The following RBFOX1 variants were observed in gnomAD, a reference collection of about 807,000 sequenced individuals.
The protein encoded by RBFOX1 is RNA binding fox-1 homolog 1, also known as RNA binding protein fox-1 homolog 1.
In RBFOX1, 8 loss-of-function variants were observed where a neutral mutation model predicts 57.7. The ratio of observed to expected loss-of-function variants is 0.14; its 90% CI spans 0.08 to 0.25. The LOEUF (loss-of-function observed/expected upper bound fraction) is 0.25, where lower values mean the gene tolerates loss of function less well. Among genes scored for constraint, RBFOX1 ranks in the 10% least tolerant of loss-of-function variants. RBFOX1 has a pLI of 1.00. For synonymous variants in RBFOX1, 326 were observed against 222.4 expected, an observed-to-expected ratio of 1.47 and a Z score of -4.15; for missense variants, 611 against 548.5, an observed-to-expected ratio of 1.11 and a Z score of -1.14.
chr16:5,643,220 A>G (rs1277317724), intron 3 of RBFOX1, among the ~76,000 whole-genome samples: 3 of 152,190 alleles, frequency 2.0e-5, no homozygotes, highest in Admixed American at 2.0e-4. Flanking sequence ...GTTACATGGC[A>G]CATGGGCAGG....
At chr16:5,353,748 T>G (rs114545048) in intron 1 of RBFOX1, among the ~76,000 whole-genome samples, 2 of 140,162 alleles carry the variant, frequency 1.4e-5, no homozygotes, top group Non-Finnish European at 3.1e-5. Context: ...AACCTCGCCA[T>G]GCCCTGTGAG....
intron 1 of RBFOX1, among the ~76,000 whole-genome samples, chr16:6,111,453 G>T (rs1445304099): frequency 6.6e-6 from 1 of 152,204 alleles, no homozygotes; most frequent in African/African-American, 2.4e-5. Context: ...GAGTTAAGGA[G>T]TTTCCAAGAA....
At chr16:6,339,659 A>G (rs1166767626) in intron 2 of RBFOX1, among the ~76,000 whole-genome samples, 1 of 150,408 alleles carries the variant, frequency 6.6e-6, no homozygotes, top group South Asian at 2.1e-4. Flanking sequence ...TTTTTATTTT[A>G]TTTTATTTTA....
chr16:5,539,849 T>G (rs1207581757), intron 2 of RBFOX1, among the ~76,000 whole-genome samples: 4 of 152,224 alleles, frequency 2.6e-5, no homozygotes, highest in African/African-American at 7.2e-5. Context: ...CATGGAATCT[T>G]TAAAATGACT....
chr16:6,213,413 G>A (rs1206024208), intron 1 of RBFOX1, among the ~76,000 whole-genome samples: 2 of 152,016 alleles, frequency 1.3e-5, no homozygotes, highest in African/African-American at 2.4e-5. Context: ...GCAACACTGG[G>A]CTGATTTACA....
At chr16:5,755,349 C>A (rs1264383243) in intron 3 of RBFOX1, among the ~76,000 whole-genome samples, 1 of 152,132 alleles carries the variant, frequency 6.6e-6, no homozygotes, top group Non-Finnish European at 1.5e-5. Flanking sequence ...TCTTGCTTTT[C>A]CCCACAATTC....
chr16:5,379,426 G>C (rs1317528226), intron 1 of RBFOX1, among the ~76,000 whole-genome samples: 1 of 147,486 alleles, frequency 6.8e-6, no homozygotes, highest in Non-Finnish European at 1.5e-5. Context: ...GGGGTGGAGA[G>C]CTGTGGCTCT....
intron 3 of RBFOX1, among the ~76,000 whole-genome samples, chr16:6,824,029 C>G (rs1003409461): frequency 1.3e-5 from 2 of 152,268 alleles, no homozygotes; most frequent in Non-Finnish European, 2.9e-5. Context: ...GTGTAGAGTT[C>G]TCCATTATCT....
chr16:6,689,526 A>G (rs35416296), intron 3 of RBFOX1, among the ~76,000 whole-genome samples: 1 of 152,046 alleles, frequency 6.6e-6, no homozygotes, highest in African/African-American at 2.4e-5. Flanking sequence ...ATGTTTATGC[A>G]AGAGATGTTT....
chr16:5,617,326 T>C (rs563193389), intron 3 of RBFOX1, among the ~76,000 whole-genome samples: 3 of 152,304 alleles, frequency 2.0e-5, no homozygotes, highest in East Asian at 1.9e-4. Flanking sequence ...TGAGCACTTA[T>C]TCCTGCTACC....
chr16:6,333,089 G>C (rs956146162), intron 2 of RBFOX1, among the ~76,000 whole-genome samples: 2 of 151,986 alleles, frequency 1.3e-5, no homozygotes, highest in Non-Finnish European at 2.9e-5. Context: ...ACCTAGGCTG[G>C]AGTGCGGTGG....
intron 3 of RBFOX1, among the ~76,000 whole-genome samples, chr16:5,704,386 T>C (rs1430818497): frequency 1.3e-5 from 2 of 151,756 alleles, no homozygotes; most frequent in African/African-American, 2.4e-5. Context: ...GCCCTGGGGG[T>C]CTGGGGGTCG....
At chr16:6,536,920 G>T (rs547579319) in intron 2 of RBFOX1, among the ~76,000 whole-genome samples, 61 of 152,280 alleles carry the variant, frequency 4.0e-4, no homozygotes, top group African/African-American at 1.4e-3. Flanking sequence ...TCTAAATTAT[G>T]TGTATACAAA....
chr16:7,462,767 C>T (rs760409682), intron 4 of RBFOX1, among the ~76,000 whole-genome samples: 3 of 152,220 alleles, frequency 2.0e-5, no homozygotes, highest in Non-Finnish European at 4.4e-5. Context: ...CCCTGGCCTT[C>T]AGAAGCTGCC....
At chr16:7,646,717 G>C (rs1568263771) in intron 11 of RBFOX1, among the ~76,000 whole-genome samples, 1 of 152,218 alleles carries the variant, frequency 6.6e-6, no homozygotes, top group Admixed American at 6.5e-5. Context: ...TTTTGCATCT[G>C]CTACTCTTCC....
At chr16:5,325,610 G>A (rs1318291169) in intron 1 of RBFOX1, among the ~76,000 whole-genome samples, 2 of 152,134 alleles carry the variant, frequency 1.3e-5, no homozygotes, top group East Asian at 3.8e-4. Flanking sequence ...CTGCCCCACT[G>A]ATGATCCACT....
At chr16:5,519,407 A>G (rs542603726) in intron 2 of RBFOX1, among the ~76,000 whole-genome samples, 1 of 152,268 alleles carries the variant, frequency 6.6e-6, no homozygotes, top group African/African-American at 2.4e-5. Flanking sequence ...GGAGGCAGAT[A>G]TGCTCACCCA....
intron 4 of RBFOX1, among the ~76,000 whole-genome samples, chr16:5,929,314 G>GCC (rs1316838619): frequency 4.0e-5 from 6 of 151,682 alleles, no homozygotes; most frequent in Non-Finnish European, 7.4e-5. Context: ...TCAGTCTTAA[G>GCC]CCTCTCTCTC....
intron 3 of RBFOX1, among the ~76,000 whole-genome samples, chr16:6,689,305 A>G (rs2059885548): frequency 6.6e-6 from 1 of 152,166 alleles, no homozygotes; most frequent in Admixed American, 6.6e-5. Flanking sequence ...ACATGAAGTG[A>G]TAGAATAGAC....
Sources: gnomAD v4.1 joint callset for allele counts (sites outside exome capture counted in the v4.1 genomes callset) on GRCh38, gnomAD v4.1.1 for gene constraint, MANE v1.5 for transcripts, NCBI Gene and HGNC (gene_info 2026-07-23, HGNC 2026-07-21) for gene names.